The following MTAP variants were observed in gnomAD, a reference collection of about 807,000 sequenced individuals.
The protein encoded by MTAP is S-methyl-5'-thioadenosine phosphorylase.
MTAP carries 33 observed loss-of-function variants against 33.6 expected under a neutral mutation model. The ratio of observed to expected loss-of-function variants is 0.98; its 90% CI spans 0.74 to 1.31. The LOEUF (loss-of-function observed/expected upper bound fraction) is 1.31. Ranked by LOEUF, MTAP falls within the 40% of genes most tolerant of loss-of-function variation. MTAP has a pLI of 0.00. For missense variants in MTAP, 367 were observed against 360.0 expected (o/e 1.02, Z -0.16); for synonymous variants, 148 against 125.7 (o/e 1.18, Z -1.19).
At chr9:21,927,356 T>G (rs1818886217) in intron 1 of MTAP, among the ~76,000 whole-genome samples, 1 of 152,120 alleles carries the variant, frequency 6.6e-6, no homozygotes, top group Non-Finnish European at 1.5e-5. Flanking sequence ...CTCCTGACAT[T>G]CCAACTAATA....
At chr9:21,899,029 T>C (rs1234608344) in intron 1 of MTAP, among the ~76,000 whole-genome samples, 1 of 152,044 alleles carries the variant, frequency 6.6e-6, no homozygotes, top group Non-Finnish European at 1.5e-5. Context: ...GTGGCACATA[T>C]ACACCATGGA....
In MTAP at chr9:21,895,353, C is replaced by G. The variant is rs149066468; in HGVS notation, c.148-35655C>G. On this transcript the variant is annotated intron_variant, in intron 1 of 1. Transcript: ENST00000577563. ...TTTCATACTGCTATAAAGAACTGCC[C>G]CAAGGTTCCAAGATGGCTGAATAGG... 1.7e-4 allele frequency among the ~76,000 whole-genome samples: 26 copies of G among 152,240 alleles called. No homozygotes were observed. In the East Asian group the frequency reaches 5.0e-3, roughly 29 times the overall value.
intron 1 of MTAP, among the ~76,000 whole-genome samples, chr9:21,876,818 CTT>C (rs1826017053): frequency 6.6e-6 from 1 of 151,866 alleles, no homozygotes; most frequent in African/African-American, 2.4e-5. Context: ...GCTTTGTTCT[CTT>C]TGCGTAGGAT....
At chr9:21,909,574 G>C (rs1818534589) in intron 1 of MTAP, among the ~76,000 whole-genome samples, 1 of 152,084 alleles carries the variant, frequency 6.6e-6, no homozygotes, top group South Asian at 2.1e-4. Flanking sequence ...ACCTTGTGGT[G>C]TTATGAATTT....
intron 1 of MTAP, among the ~76,000 whole-genome samples, chr9:21,897,054 T>A (rs976778001): frequency 6.6e-6 from 1 of 152,204 alleles, no homozygotes; most frequent in African/African-American, 2.4e-5. Context: ...GCTTCATCCC[T>A]GGGATGCAAG....
chr9:21,882,562 T>G (rs1818032134), intron 1 of MTAP, among the ~76,000 whole-genome samples: 1 of 152,026 alleles, frequency 6.6e-6, no homozygotes, highest in Non-Finnish European at 1.5e-5. Flanking sequence ...TTTTTCTCTC[T>G]TACAAATTGA....
chr9:21,847,636 A>T (rs1825414902), intron 5 of MTAP, among the ~76,000 whole-genome samples: 2 of 152,200 alleles, frequency 1.3e-5, no homozygotes, highest in Non-Finnish European at 2.9e-5. Flanking sequence ...TATATGGAGG[A>T]CCAGGGAACA....
chr9:21,883,453 A>G (rs1818050533), intron 1 of MTAP, among the ~76,000 whole-genome samples: 2 of 152,120 alleles, frequency 1.3e-5, no homozygotes, highest in South Asian at 4.1e-4. Context: ...ATAGAACCAC[A>G]TGGAGAAAAT....
At chr9:21,903,265 C>T (rs1818421132) in intron 1 of MTAP, among the ~76,000 whole-genome samples, 1 of 152,152 alleles carries the variant, frequency 6.6e-6, no homozygotes, top group South Asian at 2.1e-4. Flanking sequence ...TGCTGCAAAA[C>T]GACGATCCAT....
chr9:21,933,349 C>G (rs900837756), downstream of MTAP: 1 of 152,194 alleles, frequency 6.6e-6, no homozygotes, highest in African/African-American at 2.4e-5. Context: ...AAGCTTGTCT[C>G]TCTGCATCAG....
chr9:21,858,588 C>T lies in MTAP; in HGVS notation c.691-715C>T, dbSNP rs920993051. Among the ~76,000 whole-genome samples the T allele has an allele frequency of 3.3e-5, 5 of 152,180 alleles. No individual in the cohort carries two copies. The South Asian group carries it at 6.2e-4, about 19-fold the overall frequency. ...ATCAGATCTCACAAGAACTCACTATCAGTAAAACAGCACCTGAGGATGCTG... is the reference window on the plus strand; with the variant it reads ...ATCAGATCTCACAAGAACTCACTATTAGTAAAACAGCACCTGAGGATGCTG... On this transcript the variant is annotated intron_variant, in intron 6 of 7. Coordinates refer to ENST00000644715, the MANE Select transcript of MTAP (RefSeq NM_002451.4).
rs150139570 is a variant in MTAP, at chr9:21,803,217, T to C, written c.33+436T>C. Reference sequence around the variant, plus strand: ...CGGGCGCCTGCAGCTTCTGTGACCGTCTCCTGGTGCCTTGCGGGACTCCAG... The same window carrying C: ...CGGGCGCCTGCAGCTTCTGTGACCGCCTCCTGGTGCCTTGCGGGACTCCAG... On this transcript the variant is annotated intron_variant, in intron 1 of 7. Coordinates refer to ENST00000644715, the MANE Select transcript of MTAP (RefSeq NM_002451.4). 1.0e-3 allele frequency: 354 copies of C among 340,952 alleles called. 7 individuals are homozygous for C. The East Asian group carries it at 0.014, about 14-fold the overall frequency. 21.1% of individuals were successfully genotyped at this position (340,952 alleles called of 1,614,324 possible).
intron 1 of MTAP, among the ~76,000 whole-genome samples, chr9:21,894,964 T>C (rs146153163): frequency 1.3e-5 from 2 of 152,198 alleles, no homozygotes; most frequent in Non-Finnish European, 2.9e-5. Flanking sequence ...GTAATACAGC[T>C]AACCAAGGAG....
chr9:21,897,515 T>A (rs929735039), intron 1 of MTAP, among the ~76,000 whole-genome samples: 1 of 152,212 alleles, frequency 6.6e-6, no homozygotes, highest in South Asian at 2.1e-4. Flanking sequence ...CTTAAGCTGA[T>A]AAGTAACTTC....
chr9:21,890,135 G>A (rs1818176243), intron 1 of MTAP, among the ~76,000 whole-genome samples: 2 of 152,044 alleles, frequency 1.3e-5, no homozygotes, highest in Admixed American at 6.6e-5. Flanking sequence ...TGTGGGGGAT[G>A]GGGTATGGTT....
intron 4 of MTAP, among the ~76,000 whole-genome samples, chr9:21,829,402 T>G (rs1824909907): frequency 6.9e-6 from 1 of 145,338 alleles, no homozygotes; most frequent in African/African-American, 2.6e-5. Context: ...CATCTCTCTC[T>G]CTCATTCTTT....
rs574715714 is a variant in MTAP, at chr9:21,872,406, G to A, written c.147+17536G>A. On this transcript the variant is annotated intron_variant, in intron 1 of 1. Coordinates refer to the MTAP transcript ENST00000577563. The stretch of plus-strand genomic sequence containing the variant: ...TTTTTTTAAAGGAAGGCTACTTCCC[G>A]AATGACCTTATCTACCTATGTGTCT... Among the ~76,000 whole-genome samples, 7 of 152,216 alleles carry A rather than the reference G, an allele frequency of 4.6e-5. No homozygotes were observed. In the East Asian group the frequency reaches 7.7e-4, roughly 17 times the overall value.
downstream of MTAP, chr9:21,932,539 C>A (rs1587307305): frequency 6.6e-6 from 1 of 152,210 alleles, no homozygotes; most frequent in Non-Finnish European, 1.5e-5. Context: ...GATGGCTCCA[C>A]CTGGACCCAC....
At chr9:21,839,029 A>G (rs1441799779) in intron 5 of MTAP, among the ~76,000 whole-genome samples, 1 of 152,206 alleles carries the variant, frequency 6.6e-6, no homozygotes, top group Non-Finnish European at 1.5e-5. Flanking sequence ...AGGGCACCTA[A>G]ACTGAGGACA....
Sources: allele counts gnomAD v4.1 joint callset (sites outside exome capture counted in the v4.1 genomes callset), GRCh38; gene constraint gnomAD v4.1.1; transcripts MANE v1.5; gene names NCBI Gene and HGNC (gene_info 2026-07-23, HGNC 2026-07-21).